The following ZMAT3 variants were observed in gnomAD, a reference collection of about 807,000 sequenced individuals.
ZMAT3 encodes zinc finger matrin-type 3.
A neutral mutation model predicts 32.3 loss-of-function variants in ZMAT3; 17 were observed. The ratio of observed to expected loss-of-function variants is 0.53; its 90% CI spans 0.36 to 0.79. The LOEUF (loss-of-function observed/expected upper bound fraction) is 0.79. ZMAT3 is among the 30% of genes least tolerant of loss of function. The pLI is 0.00. For missense variants in ZMAT3, 329 were observed against 359.7 expected, an observed-to-expected ratio of 0.91 and a Z score of 0.69; for synonymous variants, 120 against 133.1, an observed-to-expected ratio of 0.90 and a Z score of 0.68.
At position 179,022,562 on chromosome 3, in the gene ZMAT3, C is replaced by T. The variant is rs1718602401; in HGVS notation, c.*2455G>A. The T allele has an allele frequency of 6.6e-6, 1 of 151,256 alleles. No homozygotes were observed. The highest frequency in any genetic ancestry group is 1.5e-5 in the Non-Finnish European group (1 of 67,820). The allele number at this position is 151,256 out of a possible 1,614,324, so 9.4% of individuals were successfully genotyped here. A position where few individuals can be genotyped will look rare whatever the true frequency, so the allele number is the denominator to read the frequency against. On this transcript the variant is annotated 3_prime_UTR_variant, in exon 6 of 6. Transcript: ENST00000311417. ...TTATATTTAGCAGCAAAATGAATAA[C>T]CTACTGGCCAATAAGAAAAGCCCTA...
intron 2 of ZMAT3, among the ~76,000 whole-genome samples, chr3:179,032,682 T>G (rs1719334008): frequency 1.3e-5 from 2 of 150,004 alleles, no homozygotes. Context: ...GGAGTGTGTC[T>G]GCCCCACCAC....
Position 179,018,589 on chromosome 3 carries a change from C to T in ZMAT3, c.*6428G>A, listed in dbSNP as rs570356238. The T allele has an allele frequency of 1.6e-4, 25 of 152,036 alleles. No individual in the cohort carries two copies. Among genetic ancestry groups the T allele is most frequent in the African/African-American group, 6.0e-4 (25 of 41,430 alleles). The allele number at this position is 152,036 out of a possible 1,614,324, so 9.4% of individuals were successfully genotyped here. A position where few individuals can be genotyped will look rare whatever the true frequency, so the allele number is the denominator to read the frequency against. ...GGAACATTTCAATTCTGATTCAATT[C>T]TACCCATTGAATCTTCATGACCTGG... On this transcript the variant is annotated 3_prime_UTR_variant, in exon 6 of 6. Coordinates refer to ENST00000311417, the MANE Select transcript of ZMAT3 (RefSeq NM_022470.4).
Position 179,064,582 on chromosome 3 carries a change from A to G in ZMAT3, c.270+2901T>C, listed in dbSNP as rs76632990. Among the ~76,000 whole-genome samples, 1,513 of 152,274 alleles carry G rather than the reference A, an allele frequency of 9.9e-3. 11 individuals are homozygous for G. Among genetic ancestry groups the G allele is most frequent in the Non-Finnish European group, 0.017 (1,172 of 68,004 alleles). ...GTAGCTGGGACTACAAGTGTCTGCC[A>G]CTATGCCCAGCTAATTTCCTTGTAT... On this transcript the variant is annotated intron_variant, in intron 2 of 5. Coordinates refer to ENST00000311417, the MANE Select transcript of ZMAT3 (RefSeq NM_022470.4).
At chr3:179,039,827 C>T (rs1228662114) in intron 2 of ZMAT3, among the ~76,000 whole-genome samples, 2 of 152,064 alleles carry the variant, frequency 1.3e-5, no homozygotes, top group African/African-American at 2.4e-5. Context: ...AGCTAAAAAC[C>T]TTGAAAAAAG....
At chr3:179,031,898 T>G (rs1719217878) in intron 2 of ZMAT3, among the ~76,000 whole-genome samples, 3 of 123,078 alleles carry the variant, frequency 2.4e-5, no homozygotes, top group Non-Finnish European at 3.4e-5. Context: ...CAAAGTTAGA[T>G]TCTGTCTCAA....
intron 2 of ZMAT3, among the ~76,000 whole-genome samples, chr3:179,064,233 C>G (rs4955793): frequency 1.3e-5 from 2 of 152,164 alleles, no homozygotes; most frequent in African/African-American, 4.8e-5. Context: ...ACAGGCTACC[C>G]GTGACCCATT....
intron 2 of ZMAT3, among the ~76,000 whole-genome samples, chr3:179,043,316 T>G (rs560183950): frequency 2.0e-5 from 3 of 152,322 alleles, no homozygotes; most frequent in South Asian, 4.1e-4. Context: ...GCTACCTGAC[T>G]TCAAACTATA....
chr3:179,027,511 C>T lies in ZMAT3; in HGVS notation c.570G>A (p.Glu190=). 6 of 1,614,232 alleles carry T rather than the reference C, an allele frequency of 3.7e-6. No individual in the cohort carries two copies. The change falls in exon 5 of 6, where the codon GAG becomes GAA. Residue 190 remains glutamate, a synonymous_variant. Transcript: ENST00000311417. ...AQSNSFSESS[E]LGQRRARKEG... ...CTTTCCTGGCCCGCCGTTGACCCAG[C>T]TCTGAGGATTCCCTGGAGAAAAGAA...
intron 2 of ZMAT3, among the ~76,000 whole-genome samples, chr3:179,032,118 TCA>T (rs1196908307): frequency 6.8e-6 from 1 of 147,540 alleles, no homozygotes; most frequent in African/African-American, 2.5e-5. Flanking sequence ...TTCTCCTGCC[TCA>T]GCCTGCCGAG....
chr3:179,043,015 A>C (rs575425427), intron 2 of ZMAT3, among the ~76,000 whole-genome samples: 29 of 152,342 alleles, frequency 1.9e-4, no homozygotes, highest in African/African-American at 7.0e-4. Context: ...CCAACTTACA[A>C]GGGATGTGAA....
At chr3:179,036,654 T>TA (rs1323901163) in intron 2 of ZMAT3, among the ~76,000 whole-genome samples, 2 of 152,074 alleles carry the variant, frequency 1.3e-5, no homozygotes, top group Non-Finnish European at 2.9e-5. Context: ...GGGAAGAAGA[T>TA]AGAGTCAACA....
intron 2 of ZMAT3, among the ~76,000 whole-genome samples, chr3:179,052,742 T>C (rs1720634362): frequency 6.6e-6 from 1 of 152,142 alleles, no homozygotes; most frequent in Non-Finnish European, 1.5e-5. Context: ...AATATGCCCA[T>C]CAATCAACGT....
chr3:179,051,345 A>G (rs947420887), intron 2 of ZMAT3, among the ~76,000 whole-genome samples: 6 of 152,152 alleles, frequency 3.9e-5, no homozygotes, highest in African/African-American at 1.4e-4. Flanking sequence ...ACACCACTAT[A>G]CACCAACAGC....
At chr3:179,049,338 G>A (rs1560093326) in intron 2 of ZMAT3, among the ~76,000 whole-genome samples, 1 of 152,128 alleles carries the variant, frequency 6.6e-6, no homozygotes, top group African/African-American at 2.4e-5. Flanking sequence ...ATTTACAGAG[G>A]ATCCTACCCA....
At chr3:179,056,791 T>C (rs945936013) in intron 2 of ZMAT3, among the ~76,000 whole-genome samples, 22 of 152,198 alleles carry the variant, frequency 1.4e-4, no homozygotes, top group African/African-American at 4.6e-4. Context: ...AGCCAGTCAC[T>C]AGATACTTCT....
chr3:179,058,412 C>T (rs1354831203), intron 2 of ZMAT3, among the ~76,000 whole-genome samples: 1 of 152,194 alleles, frequency 6.6e-6, no homozygotes, highest in African/African-American at 2.4e-5. Flanking sequence ...TAGAGGTTCC[C>T]TTGACTGATC....
rs1553798348 is a variant in ZMAT3, at chr3:179,023,710, A to ATATAT, written c.*1306_*1307insATATA. The ATATAT allele has an allele frequency of 8.0e-5, 2 of 25,074 alleles. No individual in the cohort carries two copies. Among genetic ancestry groups the ATATAT allele is most frequent in the African/African-American group, 5.4e-4 (2 of 3,682 alleles). The allele number at this position is 25,074 out of a possible 1,614,324, so 1.6% of individuals were successfully genotyped here. ...GGAAAATATATCTATATATATATAT[A>ATATAT]TTTTTTTTTTTTTTTTTTTTTTTTT... On this transcript the variant is annotated 3_prime_UTR_variant, in exon 6 of 6. Coordinates refer to ENST00000311417, the MANE Select transcript of ZMAT3 (RefSeq NM_022470.4).
Position 179,017,874 on chromosome 3 carries a change from G to A in ZMAT3, c.*7143C>T, listed in dbSNP as rs1323450278. The A allele has an allele frequency of 6.6e-6, 1 of 152,098 alleles. No individual in the cohort carries two copies. Among genetic ancestry groups the A allele is most frequent in the Non-Finnish European group, 1.5e-5 (1 of 68,022 alleles). The allele number at this position is 152,098 out of a possible 1,614,324, so 9.4% of individuals were successfully genotyped here. Reference sequence around the variant, plus strand: ...AGATATATGGAATGCTTTAAAGCAGGATCTGACATACTCCAGTAAGGCATT... The same window carrying A: ...AGATATATGGAATGCTTTAAAGCAGAATCTGACATACTCCAGTAAGGCATT... On this transcript the variant is annotated 3_prime_UTR_variant, in exon 6 of 6. Transcript: ENST00000311417.
chr3:179,063,691 T>C (rs1721262034), intron 2 of ZMAT3, among the ~76,000 whole-genome samples: 1 of 152,336 alleles, frequency 6.6e-6, no homozygotes, highest in East Asian at 1.9e-4. Context: ...GATGAAACAG[T>C]GGTATGTTAC....
Sources: allele counts gnomAD v4.1 joint callset (sites outside exome capture counted in the v4.1 genomes callset), GRCh38; gene constraint gnomAD v4.1.1; transcripts MANE v1.5; gene names NCBI Gene and HGNC (gene_info 2026-07-23, HGNC 2026-07-21).